The following RBPJ variants were observed in gnomAD, a reference collection of about 807,000 sequenced individuals.
RBPJ encodes the protein recombination signal binding protein for immunoglobulin kappa J region.
A neutral mutation model predicts 67.8 loss-of-function variants in RBPJ; 9 were observed. That is an observed-to-expected ratio of 0.13 (90% CI 0.08 to 0.23). RBPJ has a LOEUF of 0.23. Ranked by LOEUF, RBPJ falls within the 10% of genes least tolerant of loss-of-function variation. RBPJ has a pLI of 1.00. For synonymous variants in RBPJ, 198 were observed against 203.3 expected (o/e 0.97, Z 0.22); for missense variants, 305 against 595.6 (o/e 0.51, Z 5.08).
rs1448405830 is a variant in RBPJ, at chr4:26,191,205, A to G, written c.-167+27591A>G. Reference sequence around the variant, plus strand: ...AATATATATATATATATATATATATATATATAGAGAGAGAGAGAGAGAGAG... The same window carrying G: ...AATATATATATATATATATATATATGTATATAGAGAGAGAGAGAGAGAGAG... On this transcript the variant is annotated intron_variant, in intron 1 of 4. Coordinates refer to the RBPJ transcript ENST00000512351. 2.4e-3 allele frequency among the ~76,000 whole-genome samples: 81 copies of G among 33,918 alleles called. 1 individual carries two copies. The highest frequency in any genetic ancestry group is 7.8e-3 in the African/African-American group (76 of 9,728). The allele number at this position is 33,918 out of a possible 152,430, so 22.3% of individuals were successfully genotyped here.
At chr4:26,340,465 G>T (rs35279536) in intron 1 of RBPJ, among the ~76,000 whole-genome samples, 1 of 152,140 alleles carries the variant, frequency 6.6e-6, no homozygotes, top group Non-Finnish European at 1.5e-5. Context: ...TCTTGAGAAG[G>T]ATCTCTCAAG....
At chr4:26,229,468 G>A (rs2109202357) in intron 1 of RBPJ, among the ~76,000 whole-genome samples, 1 of 152,236 alleles carries the variant, frequency 6.6e-6, no homozygotes, top group African/African-American at 2.4e-5. Flanking sequence ...CTCTGGACTT[G>A]GCTATTTCAT....
intron 1 of RBPJ, among the ~76,000 whole-genome samples, chr4:26,225,356 C>A (rs566213832): frequency 6.6e-6 from 1 of 152,164 alleles, no homozygotes; most frequent in African/African-American, 2.4e-5. Context: ...TAAGCTAGCC[C>A]GAAAAGGCTA....
intron 1 of RBPJ, among the ~76,000 whole-genome samples, chr4:26,187,064 C>T (rs986313309): frequency 1.3e-5 from 2 of 151,880 alleles, no homozygotes; most frequent in Non-Finnish European, 2.9e-5. Flanking sequence ...CTACAAAACA[C>T]ACAAAAAATT....
In RBPJ at chr4:26,430,136, G is replaced by A. The variant is rs954958819; in HGVS notation, c.1044+83G>A. ...CCTGGCATCATTTCATTTCATGGGA[G>A]TTTTGATTTTTCTCCAATCGTCTGA... On this transcript the variant is annotated intron_variant, in intron 9 of 10. Coordinates refer to ENST00000355476, the MANE Select transcript of RBPJ (RefSeq NM_015874.6). The surrounding 1 kb of genome is among the most constrained non-coding windows in gnomAD (Gnocchi z 4.1). The A allele has an allele frequency of 4.7e-6, 7 of 1,480,118 alleles. No homozygotes were observed. The African/African-American group carries it at 8.3e-5, about 18-fold the overall frequency. 91.7% of individuals were successfully genotyped at this position (1,480,118 alleles called of 1,614,324 possible).
intron 1 of RBPJ, among the ~76,000 whole-genome samples, chr4:26,205,413 C>G (rs1718134987): frequency 6.6e-6 from 1 of 152,062 alleles, no homozygotes; most frequent in Non-Finnish European, 1.5e-5. Context: ...TGTGGGATTC[C>G]TTTTTAGCTT....
intron 1 of RBPJ, among the ~76,000 whole-genome samples, chr4:26,338,878 T>C (rs1725197634): frequency 6.6e-6 from 1 of 151,752 alleles, no homozygotes; most frequent in East Asian, 1.9e-4. Context: ...GTTGGGTGTG[T>C]GTGTGTGTGT....
intron 1 of RBPJ, among the ~76,000 whole-genome samples, chr4:26,267,850 C>T (rs928376721): frequency 3.3e-5 from 5 of 151,988 alleles, no homozygotes; most frequent in East Asian, 3.9e-4. Flanking sequence ...TCAGGTGATC[C>T]GCCCACCTCA....
chr4:26,226,264 A>C (rs1719073015), intron 1 of RBPJ, among the ~76,000 whole-genome samples: 1 of 152,162 alleles, frequency 6.6e-6, no homozygotes, highest in African/African-American at 2.4e-5. Flanking sequence ...CAGGAGTCTA[A>C]GACAAGCCTG....
chr4:26,385,522 G>C (rs1284044954), intron 1 of RBPJ, among the ~76,000 whole-genome samples: 1 of 152,148 alleles, frequency 6.6e-6, no homozygotes. Context: ...TAACTGCCAT[G>C]TTGTACTCCA....
At chr4:26,179,297 T>G (rs1716900223) in intron 1 of RBPJ, among the ~76,000 whole-genome samples, 1 of 150,950 alleles carries the variant, frequency 6.6e-6, no homozygotes, top group East Asian at 2.0e-4. Flanking sequence ...TTACTGTGTT[T>G]TTTTTTTTTT....
At chr4:26,284,795 G>A (rs919238249) in intron 1 of RBPJ, among the ~76,000 whole-genome samples, 5 of 151,796 alleles carry the variant, frequency 3.3e-5, no homozygotes, top group Non-Finnish European at 5.9e-5. Context: ...TTTTGTTTGA[G>A]ATTAAAAACA....
At chr4:26,178,299 C>T (rs1159923491) in intron 1 of RBPJ, among the ~76,000 whole-genome samples, 4 of 152,190 alleles carry the variant, frequency 2.6e-5, no homozygotes. Context: ...AACAGGGACT[C>T]CATGGCCCCT....
intron 1 of RBPJ, among the ~76,000 whole-genome samples, chr4:26,286,944 G>A (rs577676292): frequency 6.6e-6 from 1 of 151,956 alleles, no homozygotes; most frequent in Non-Finnish European, 1.5e-5. Flanking sequence ...GCACCACCAC[G>A]CCTGGCTAAT....
the RBPJ span, among the ~76,000 whole-genome samples, chr4:26,154,146 C>A: frequency 1.3e-5 from 2 of 152,122 alleles, no homozygotes; most frequent in Non-Finnish European, 2.9e-5. Context: ...AAAGAGCTCC[C>A]CTCCACTCTG....
the RBPJ span, among the ~76,000 whole-genome samples, chr4:26,130,323 G>A: frequency 6.6e-6 from 1 of 152,190 alleles, no homozygotes; most frequent in East Asian, 1.9e-4. Context: ...TCCTCCCCAA[G>A]GAGTGGTTAC....
At chr4:26,349,613 A>G (rs1479719394) in intron 1 of RBPJ, among the ~76,000 whole-genome samples, 1 of 152,192 alleles carries the variant, frequency 6.6e-6, no homozygotes, top group Non-Finnish European at 1.5e-5. Flanking sequence ...ACAGGCAGCT[A>G]TTTGTCTTCA....
At chr4:26,307,017 T>G (rs1376150314) in intron 1 of RBPJ, among the ~76,000 whole-genome samples, 1 of 152,134 alleles carries the variant, frequency 6.6e-6, no homozygotes, top group African/African-American at 2.4e-5. Flanking sequence ...CATAAAATAT[T>G]CTCTATCAGT....
intron 1 of RBPJ, among the ~76,000 whole-genome samples, chr4:26,306,438 A>AATTATTATT (rs556823125): frequency 0.086 from 12,714 of 147,030 alleles, 828 homozygotes; most frequent in East Asian, 0.29. Flanking sequence ...TTATTTGGAG[A>AATTATTATT]ATTATTATTA....
Sources: allele counts gnomAD v4.1 joint callset (sites outside exome capture counted in the v4.1 genomes callset), GRCh38; gene constraint gnomAD v4.1.1; non-coding constraint Gnocchi (gnomAD v3.1); transcripts MANE v1.5; gene names NCBI Gene and HGNC (gene_info 2026-07-23, HGNC 2026-07-21).